Variants in DLGAP2 observed in about 807,000 individuals in gnomAD.
The protein encoded by DLGAP2 is DLG associated protein 2.
DLGAP2 carries 26 observed loss-of-function variants against 100.3 expected under a neutral mutation model. That is an observed-to-expected ratio of 0.26 (90% CI 0.19 to 0.36). The LOEUF (loss-of-function observed/expected upper bound fraction) is 0.36, where lower values mean the gene tolerates loss of function less well. DLGAP2 is among the 10% of genes least tolerant of loss of function. DLGAP2 has a pLI of 1.00. For missense variants in DLGAP2, 1,858 were observed against 1,453.2 expected (o/e 1.28, Z -4.53); for synonymous variants, 886 against 630.1 (o/e 1.41, Z -6.08).
At chr8:1,204,644 A>AT (rs761804464) in intron 2 of DLGAP2, among the ~76,000 whole-genome samples, 30 of 152,180 alleles carry the variant, frequency 2.0e-4, no homozygotes, top group Admixed American at 3.3e-4. Context: ...ATGTTGGCTG[A>AT]TTCGCCAAAG....
At chr8:1,348,156 C>T (rs1265919716) in intron 3 of DLGAP2, among the ~76,000 whole-genome samples, 12 of 152,034 alleles carry the variant, frequency 7.9e-5, no homozygotes, top group African/African-American at 2.2e-4. Context: ...TACAGAGCTA[C>T]AGTGCACTCA....
At chr8:813,228 G>A (rs558366624) in intron 1 of DLGAP2, among the ~76,000 whole-genome samples, 51 of 151,414 alleles carry the variant, frequency 3.4e-4, no homozygotes, top group African/African-American at 9.7e-4. Flanking sequence ...CTGTTATCTC[G>A]TGGATATCCT....
chr8:946,968 A>G (rs925562606), intron 2 of DLGAP2, among the ~76,000 whole-genome samples: 1 of 152,138 alleles, frequency 6.6e-6, no homozygotes, highest in Non-Finnish European at 1.5e-5. Flanking sequence ...GGGCTCTGGG[A>G]CGTCGGGTAG....
At chr8:1,058,567 A>T (rs2129034533) in intron 2 of DLGAP2, among the ~76,000 whole-genome samples, 1 of 152,310 alleles carries the variant, frequency 6.6e-6, no homozygotes, top group East Asian at 1.9e-4. Context: ...CTGTGTTGGC[A>T]AAGAGGAGAT....
intron 1 of DLGAP2, among the ~76,000 whole-genome samples, chr8:789,425 A>C (rs1399754131): frequency 1.3e-5 from 2 of 152,150 alleles, no homozygotes. Flanking sequence ...TCACTATCAC[A>C]AGAACAGCAA....
chr8:1,616,709 T>C (rs577543854), intron 6 of DLGAP2, among the ~76,000 whole-genome samples: 1 of 152,342 alleles, frequency 6.6e-6, no homozygotes, highest in African/African-American at 2.4e-5. Context: ...TATTTTTAAC[T>C]TAAATACATG....
At chr8:1,665,890 T>C (rs1345365912) in intron 8 of DLGAP2, among the ~76,000 whole-genome samples, 4 of 152,364 alleles carry the variant, frequency 2.6e-5, no homozygotes, top group Non-Finnish European at 5.9e-5. Flanking sequence ...CCTTTATCGA[T>C]GAGCCCTCCT....
intron 2 of DLGAP2, among the ~76,000 whole-genome samples, chr8:1,223,365 C>T (rs1798354798): frequency 2.0e-5 from 3 of 152,310 alleles, no homozygotes; most frequent in South Asian, 4.2e-4. Context: ...TGGAGCCAGC[C>T]ATCTTGGCTC....
intron 2 of DLGAP2, among the ~76,000 whole-genome samples, chr8:921,400 C>G (rs945034651): frequency 6.6e-6 from 1 of 151,622 alleles, no homozygotes; most frequent in African/African-American, 2.4e-5. Flanking sequence ...TGGGGATGTG[C>G]GTCTATGGCC....
chr8:750,744 A>G (rs1472815708), intron 1 of DLGAP2, among the ~76,000 whole-genome samples: 1 of 152,230 alleles, frequency 6.6e-6, no homozygotes, highest in Admixed American at 6.5e-5. Context: ...CGCCGTCTGC[A>G]GTGTTTCAGG....
intron 2 of DLGAP2, among the ~76,000 whole-genome samples, chr8:910,859 C>T (rs867926186): frequency 5.2e-4 from 79 of 152,064 alleles, no homozygotes; most frequent in African/African-American, 1.7e-3. Context: ...TAAAAAGGAT[C>T]GCCAAGCAGA....
intron 2 of DLGAP2, among the ~76,000 whole-genome samples, chr8:981,419 G>A (rs905073169): frequency 6.6e-6 from 1 of 152,048 alleles, no homozygotes; most frequent in Non-Finnish European, 1.5e-5. Flanking sequence ...TTGAGTCTCT[G>A]CTTGTGATTC....
At chr8:1,620,150 T>C (rs1311902314) in intron 6 of DLGAP2, among the ~76,000 whole-genome samples, 1 of 152,180 alleles carries the variant, frequency 6.6e-6, no homozygotes, top group Admixed American at 6.5e-5. Context: ...TTTCTTACCT[T>C]AACGTCTGCG....
chr8:1,517,982 A>G (rs55666204), intron 4 of DLGAP2, among the ~76,000 whole-genome samples: 2,149 of 152,312 alleles, frequency 0.014, 53 homozygotes, highest in African/African-American at 0.049. Flanking sequence ...CACTAACTGA[A>G]TTTCACTCAA....
chr8:792,046 A>C (rs1399716904), intron 1 of DLGAP2, among the ~76,000 whole-genome samples: 2 of 152,248 alleles, frequency 1.3e-5, no homozygotes, highest in Non-Finnish European at 2.9e-5. Context: ...GTTGATAGAC[A>C]CTGCATTTAC....
chr8:741,719 T>C (rs571632793), intron 1 of DLGAP2, among the ~76,000 whole-genome samples: 1 of 152,250 alleles, frequency 6.6e-6, no homozygotes, highest in Non-Finnish European at 1.5e-5. Context: ...CCAGCTCCCC[T>C]TAGGGAACAC....
chr8:988,437 C>G (rs1262596816), intron 2 of DLGAP2, among the ~76,000 whole-genome samples: 1 of 152,122 alleles, frequency 6.6e-6, no homozygotes, highest in Non-Finnish European at 1.5e-5. Flanking sequence ...AAAGTCATTT[C>G]CTTTGGTATT....
At chr8:1,222,031 C>T (rs931366220) in intron 2 of DLGAP2, among the ~76,000 whole-genome samples, 2 of 152,206 alleles carry the variant, frequency 1.3e-5, no homozygotes, top group East Asian at 3.9e-4. Flanking sequence ...CAACCTCATT[C>T]TGAATCTTGA....
intron 2 of DLGAP2, among the ~76,000 whole-genome samples, chr8:1,094,160 C>G (rs1474058057): frequency 6.6e-6 from 1 of 152,110 alleles, no homozygotes; most frequent in Non-Finnish European, 1.5e-5. Flanking sequence ...TGCCAGGGCC[C>G]ATTTGGGAAC....
Sources: gnomAD v4.1 joint callset for allele counts (sites outside exome capture counted in the v4.1 genomes callset) on GRCh38, gnomAD v4.1.1 for gene constraint, MANE v1.5 for transcripts, NCBI Gene and HGNC (gene_info 2026-07-23, HGNC 2026-07-21) for gene names.